COL19A1: variants seen among roughly 807,000 people sequenced by gnomAD.
COL19A1 encodes collagen alpha-1(XIX) chain.
In COL19A1, 159 loss-of-function variants were observed where a neutral mutation model predicts 190.2. The observed-to-expected ratio is 0.84, with a 90% CI of 0.73 to 0.95. The LOEUF (loss-of-function observed/expected upper bound fraction) is 0.95. Ranked by LOEUF, COL19A1 falls within the 40% of genes least tolerant of loss-of-function variation. The pLI is 0.00. For synonymous variants in COL19A1, 509 were observed against 458.9 expected (o/e 1.11, Z -1.39); for missense variants, 1,418 against 1,431.9 (o/e 0.99, Z 0.16).
intron 11 of COL19A1, among the ~76,000 whole-genome samples, chr6:69,968,981 G>A (rs1021039759): frequency 1.3e-5 from 2 of 152,130 alleles, no homozygotes; most frequent in African/African-American, 2.4e-5. Context: ...TTTGTGTTCT[G>A]TGTTCCAGTC....
Position 69,972,101 on chromosome 6 carries a change from C to T in COL19A1, c.1026+9231C>T, listed in dbSNP as rs988507715. ...CTTTCAGTTACTTGAATGTGCCAGG[C>T]GCTCTCCTGACTCACAGTTGTCCAT... is the stretch of plus-strand genomic sequence containing the variant. On this transcript the variant is annotated intron_variant, in intron 11 of 50. Coordinates refer to ENST00000620364, the MANE Select transcript of COL19A1 (RefSeq NM_001858.6). Among the ~76,000 whole-genome samples the T allele has an allele frequency of 5.3e-5, 8 of 152,122 alleles. No homozygotes were observed. The East Asian group carries it at 7.7e-4, about 15-fold the overall frequency.
intron 11 of COL19A1, among the ~76,000 whole-genome samples, chr6:70,004,993 C>G (rs1777530129): frequency 1.3e-5 from 2 of 152,054 alleles, no homozygotes; most frequent in African/African-American, 4.8e-5. Flanking sequence ...CCACCACACC[C>G]AGCTAATATT....
chr6:69,868,735 T>A (rs763377063), intron 1 of COL19A1, among the ~76,000 whole-genome samples: 2 of 152,156 alleles, frequency 1.3e-5, no homozygotes, highest in East Asian at 3.9e-4. Context: ...TAGAAAACCA[T>A]CCAAAACAGA....
At chr6:70,077,001 A>G (rs1781922255) in intron 15 of COL19A1, among the ~76,000 whole-genome samples, 1 of 152,160 alleles carries the variant, frequency 6.6e-6, no homozygotes, top group Non-Finnish European at 1.5e-5. Flanking sequence ...CCAAGAATTA[A>G]TCACAAGTTA....
At chr6:69,929,249 G>A (rs1225285260) in intron 5 of COL19A1, among the ~76,000 whole-genome samples, 176 bp from the exon 6 acceptor site, 1 of 151,872 alleles carries the variant, frequency 6.6e-6, no homozygotes, top group Non-Finnish European at 1.5e-5. Context: ...AACCATTTTT[G>A]TAGTGGTGTT....
At chr6:70,111,936 T>A (rs1784309606) in intron 16 of COL19A1, among the ~76,000 whole-genome samples, 1 of 152,166 alleles carries the variant, frequency 6.6e-6, no homozygotes, top group African/African-American at 2.4e-5. Context: ...AACTTGGCAG[T>A]GTATAAGCTA....
chr6:70,186,579 T>C (rs1766529426), intron 46 of COL19A1, among the ~76,000 whole-genome samples: 1 of 152,162 alleles, frequency 6.6e-6, no homozygotes, highest in Non-Finnish European at 1.5e-5. Context: ...AGAGTAGTCA[T>C]AGTTAAAAGA....
At chr6:70,060,881 C>G (rs933189431) in intron 14 of COL19A1, among the ~76,000 whole-genome samples, 1 of 152,130 alleles carries the variant, frequency 6.6e-6, no homozygotes, top group Admixed American at 6.6e-5. Flanking sequence ...GTCCTTGGTG[C>G]TGAAAAGGTT....
At chr6:69,968,175 T>C (rs1399758425) in intron 11 of COL19A1, among the ~76,000 whole-genome samples, 1 of 152,096 alleles carries the variant, frequency 6.6e-6, no homozygotes, top group Middle Eastern at 3.2e-3. Context: ...GTGGTTACTT[T>C]TGAAGATGTG....
intron 15 of COL19A1, among the ~76,000 whole-genome samples, chr6:70,080,959 C>T (rs567236232): frequency 2.0e-5 from 3 of 152,202 alleles, no homozygotes; most frequent in South Asian, 4.1e-4. Flanking sequence ...CAGCTGTTGC[C>T]ATAGAAATAA....
intron 49 of COL19A1, chr6:70,199,950 T>A: frequency 2.2e-6 from 1 of 460,926 alleles, no homozygotes; most frequent in East Asian, 5.0e-5. Context: ...ACTTCAAATT[T>A]AAAACCAAAT....
At chr6:70,065,932 T>A (rs1420541066) in intron 14 of COL19A1, among the ~76,000 whole-genome samples, 2 of 152,206 alleles carry the variant, frequency 1.3e-5, no homozygotes, top group African/African-American at 4.8e-5. Context: ...CCAGTTAGAA[T>A]GGCAATCATT....
intron 47 of COL19A1, 103 bp downstream of exon 47, chr6:70,188,348 C>T (rs745611852): frequency 3.7e-6 from 5 of 1,349,092 alleles, no homozygotes; most frequent in Non-Finnish European, 4.9e-6. Flanking sequence ...TAAAACAAAC[C>T]TAAACTGGTC....
At position 69,988,203 on chromosome 6, in the gene COL19A1, C is replaced by A. The variant is rs186913526; in HGVS notation, c.1026+25333C>A. Among the ~76,000 whole-genome samples, 4 of 152,308 alleles carry A rather than the reference C, an allele frequency of 2.6e-5. No individual in the cohort carries two copies. In the East Asian group the frequency reaches 5.8e-4, roughly 22 times the overall value. On this transcript the variant is annotated intron_variant, in intron 11 of 50. Coordinates refer to ENST00000620364, the MANE Select transcript of COL19A1 (RefSeq NM_001858.6). ...GTTCATTCTCTAACTGCAGCCTCATCAGTGGTTTACTACACCAAAGGCAGT... is the reference window on the plus strand; with the variant it reads ...GTTCATTCTCTAACTGCAGCCTCATAAGTGGTTTACTACACCAAAGGCAGT...
At chr6:69,965,604 A>G (rs1311458974) in intron 11 of COL19A1, among the ~76,000 whole-genome samples, 1 of 152,234 alleles carries the variant, frequency 6.6e-6, no homozygotes, top group Non-Finnish European at 1.5e-5. Context: ...AACAGGGCAG[A>G]GCCTCATACA....
At chr6:70,205,914 CTT>C (rs1261205117) in intron 49 of COL19A1, among the ~76,000 whole-genome samples, 10 of 152,188 alleles carry the variant, frequency 6.6e-5, no homozygotes, top group Admixed American at 3.9e-4. Context: ...AGTCTCCTCT[CTT>C]GTTTCCTAGC....
intron 5 of COL19A1, among the ~76,000 whole-genome samples, chr6:69,929,155 TACACACAC>T (rs141935825): frequency 6.7e-6 from 1 of 148,554 alleles, no homozygotes; most frequent in Non-Finnish European, 1.5e-5. Context: ...TTAAAATAAC[TACACACAC>T]ACACACACAC....
intron 48 of COL19A1, among the ~76,000 whole-genome samples, chr6:70,195,617 G>C (rs1343048047): frequency 6.6e-6 from 1 of 152,128 alleles, no homozygotes; most frequent in African/African-American, 2.4e-5. Flanking sequence ...TGCTAGGGAT[G>C]GGGAGAGGCA....
At chr6:69,929,029 A>T (rs918149168) in intron 5 of COL19A1, among the ~76,000 whole-genome samples, 1 of 152,096 alleles carries the variant, frequency 6.6e-6, no homozygotes, top group Non-Finnish European at 1.5e-5. Flanking sequence ...TTAAATTGGT[A>T]ACCTTAAATT....
Sources: allele counts gnomAD v4.1 joint callset (sites outside exome capture counted in the v4.1 genomes callset), GRCh38; gene constraint gnomAD v4.1.1; transcripts MANE v1.5; gene names NCBI Gene and HGNC (gene_info 2026-07-23, HGNC 2026-07-21).